The following NTM variants were observed in gnomAD, a reference collection of about 807,000 sequenced individuals.
NTM encodes IgLON family member 2.
Under a neutral mutation model 42.1 loss-of-function variants are expected in NTM, and 13 were observed. The observed-to-expected ratio is 0.31, with a 90% CI of 0.20 to 0.49. The LOEUF (loss-of-function observed/expected upper bound fraction) is 0.49. NTM is among the 20% of genes least tolerant of loss of function. The pLI is 0.99. For missense variants in NTM, 373 were observed against 452.8 expected, an observed-to-expected ratio of 0.82 and a Z score of 1.60; for synonymous variants, 187 against 179.2, an observed-to-expected ratio of 1.04 and a Z score of -0.35.
chr11:131,525,461 G>T (rs912377431), intron 1 of NTM, among the ~76,000 whole-genome samples: 2 of 152,202 alleles, frequency 1.3e-5, no homozygotes, highest in Non-Finnish European at 2.9e-5. Context: ...GATAGCTAGT[G>T]CTTCTGTGCA....
At chr11:132,293,581 T>G (rs956549433) in intron 4 of NTM, among the ~76,000 whole-genome samples, 1 of 152,086 alleles carries the variant, frequency 6.6e-6, no homozygotes, top group African/African-American at 2.4e-5. Flanking sequence ...CATAGATGAC[T>G]GGAGATTTAC....
At chr11:131,408,948 C>A (rs184387806) in intron 1 of NTM, among the ~76,000 whole-genome samples, 1 of 152,160 alleles carries the variant, frequency 6.6e-6, no homozygotes. Flanking sequence ...TCAGAAACTA[C>A]CTTTGGAGAA....
intron 2 of NTM, among the ~76,000 whole-genome samples, chr11:132,025,602 C>T (rs2075054621): frequency 6.6e-6 from 1 of 152,160 alleles, no homozygotes; most frequent in Non-Finnish European, 1.5e-5. Context: ...CTGTCCTAGA[C>T]CGGCAGTTCT....
At chr11:131,657,484 G>A (rs2067358913) in intron 1 of NTM, among the ~76,000 whole-genome samples, 1 of 152,190 alleles carries the variant, frequency 6.6e-6, no homozygotes. Flanking sequence ...TTTGTTGATG[G>A]TCTCCACCAA....
At chr11:131,582,565 T>A (rs1260096407) in intron 1 of NTM, among the ~76,000 whole-genome samples, 1 of 150,782 alleles carries the variant, frequency 6.6e-6, no homozygotes, top group Admixed American at 6.6e-5. Context: ...TAATTTTTTT[T>A]AACTCTAGAT....
chr11:132,080,990 A>G (rs950159713), intron 2 of NTM, among the ~76,000 whole-genome samples: 1 of 152,224 alleles, frequency 6.6e-6, no homozygotes, highest in African/African-American at 2.4e-5. Context: ...TGAGGACTAC[A>G]TAACATAGTT....
intron 4 of NTM, among the ~76,000 whole-genome samples, chr11:132,282,437 A>T (rs2094009313): frequency 6.6e-6 from 1 of 152,180 alleles, no homozygotes; most frequent in Admixed American, 6.5e-5. Flanking sequence ...TTTTATTGTG[A>T]TGTATAATGC....
intron 3 of NTM, among the ~76,000 whole-genome samples, chr11:132,206,292 GGCATTCAC>G (rs1288904012): frequency 2.0e-5 from 3 of 152,172 alleles, no homozygotes; most frequent in Non-Finnish European, 4.4e-5. Context: ...CTAGGCACTA[GGCATTCAC>G]GCCCTTCCAT....
At chr11:132,084,248 G>A (rs144891424) in intron 2 of NTM, among the ~76,000 whole-genome samples, 5 of 151,980 alleles carry the variant, frequency 3.3e-5, no homozygotes, top group African/African-American at 1.2e-4. Flanking sequence ...GTACAGGGTC[G>A]CTACAATCAA....
At chr11:132,036,025 C>CTG in intron 2 of NTM, among the ~76,000 whole-genome samples, 1 of 152,208 alleles carries the variant, frequency 6.6e-6, no homozygotes, top group South Asian at 2.1e-4. Context: ...TCAATCAGTT[C>CTG]TAGTTACCAT....
At chr11:131,517,655 T>C (rs530922987) in intron 1 of NTM, among the ~76,000 whole-genome samples, 32 of 152,338 alleles carry the variant, frequency 2.1e-4, no homozygotes, top group African/African-American at 7.5e-4. Context: ...TAGTTTCTTC[T>C]TTGTGTCTGC....
chr11:132,126,865 G>A (rs1483674652), intron 2 of NTM, among the ~76,000 whole-genome samples: 1 of 152,168 alleles, frequency 6.6e-6, no homozygotes, highest in Non-Finnish European at 1.5e-5. Context: ...GACCCGCAAA[G>A]CGTGGTTTAA....
intron 2 of NTM, among the ~76,000 whole-genome samples, chr11:132,008,305 G>C (rs905642810): frequency 6.6e-6 from 1 of 152,100 alleles, no homozygotes; most frequent in Admixed American, 6.5e-5. Flanking sequence ...TCTGAGTCTT[G>C]GTTTTCCATC....
At chr11:132,008,251 C>T (rs1049259022) in intron 2 of NTM, among the ~76,000 whole-genome samples, 7 of 152,104 alleles carry the variant, frequency 4.6e-5, no homozygotes, top group African/African-American at 1.7e-4. Flanking sequence ...TCTCTTTGGA[C>T]AAGGTTTGCA....
rs369846495 is a variant in NTM at position 132,334,893 on chromosome 11, G to A, written c.968-153G>A. On this transcript the variant is annotated intron_variant, in intron 8 of 8. Transcript: ENST00000683400. ...GTCTTGGGGATGTGGGCCATAGAACGTTCACTTCTAATGCTGGGGCTGGAA... is the reference window on the plus strand; with the variant it reads ...GTCTTGGGGATGTGGGCCATAGAACATTCACTTCTAATGCTGGGGCTGGAA... The A allele has an allele frequency of 7.1e-5, 59 of 826,602 alleles. No individual in the cohort carries two copies. The East Asian group carries it at 1.0e-3, about 14-fold the overall frequency. 51.2% of individuals were successfully genotyped at this position (826,602 alleles called of 1,614,324 possible).
At position 131,442,582 on chromosome 11, in the gene NTM, C is replaced by G. The variant is rs368510997; in HGVS notation, c.82+71694C>G. ...CCCTCATCCCTTTCCCATCTTCCCC[C>G]CTTTTGGAGTCCCAAGTCTCTATTA... is the stretch of plus-strand genomic sequence containing the variant. On this transcript the variant is annotated intron_variant, in intron 1 of 8. Coordinates refer to ENST00000683400, the MANE Select transcript of NTM (RefSeq NM_001352005.2). Among the ~76,000 whole-genome samples the G allele has an allele frequency of 3.9e-5, 6 of 152,096 alleles. No individual in the cohort carries two copies. The East Asian group carries it at 7.7e-4, about 20-fold the overall frequency.
At chr11:131,948,995 C>T (rs1364604317) in intron 2 of NTM, among the ~76,000 whole-genome samples, 1 of 152,148 alleles carries the variant, frequency 6.6e-6, no homozygotes, top group African/African-American at 2.4e-5. Context: ...TTTCTCCCTC[C>T]CTCCAGCCTC....
chr11:131,879,789 A>T (rs1028297265), intron 1 of NTM, among the ~76,000 whole-genome samples: 9 of 152,190 alleles, frequency 5.9e-5, no homozygotes, highest in Admixed American at 3.3e-4. Context: ...TGCAGTCTTA[A>T]ATAGTTGTCC....
intron 1 of NTM, among the ~76,000 whole-genome samples, chr11:131,902,484 C>T (rs751913776): frequency 1.1e-4 from 16 of 152,274 alleles, no homozygotes; most frequent in Middle Eastern, 3.4e-3. Flanking sequence ...TTAGAGTGAA[C>T]GATTTTAGTC....
Sources: allele counts gnomAD v4.1 joint callset (sites outside exome capture counted in the v4.1 genomes callset), GRCh38; gene constraint gnomAD v4.1.1; transcripts MANE v1.5; gene names NCBI Gene and HGNC (gene_info 2026-07-23, HGNC 2026-07-21).